The following ASCC3 variants were observed in gnomAD, a reference collection of about 807,000 sequenced individuals.
ASCC3 encodes ASC-1 complex subunit P200.
A neutral mutation model predicts 256.3 loss-of-function variants in ASCC3; 158 were observed. The ratio of observed to expected loss-of-function variants is 0.62; its 90% confidence interval spans 0.54 to 0.70. ASCC3 has a LOEUF of 0.70. Among genes scored for constraint, ASCC3 ranks in the 30% least tolerant of loss-of-function variants. The probability of loss-of-function intolerance (pLI) is 0.00; values close to 1 mark genes in which losing one functional copy is unlikely to be tolerated. For missense variants in ASCC3, 2,259 were observed against 2,626.0 expected, an observed-to-expected ratio of 0.86 and a Z score of 3.05; for synonymous variants, 948 against 883.4, an observed-to-expected ratio of 1.07 and a Z score of -1.30.
At chr6:100,525,422 T>C (rs896158918) in intron 37 of ASCC3, among the ~76,000 whole-genome samples, 4 of 151,818 alleles carry the variant, frequency 2.6e-5, no homozygotes, top group Middle Eastern at 3.2e-3. Context: ...ACAGGAAAGT[T>C]TGAGAAACTT....
At chr6:100,865,097 A>G (rs1773415457) in intron 2 of ASCC3, among the ~76,000 whole-genome samples, 2 of 152,312 alleles carry the variant, frequency 1.3e-5, no homozygotes, top group Non-Finnish European at 2.9e-5. Context: ...GTGACTAGTC[A>G]ATCTGAGTTT....
chr6:100,585,722 TG>T (rs1484893895), intron 36 of ASCC3, among the ~76,000 whole-genome samples: 2 of 152,194 alleles, frequency 1.3e-5, no homozygotes, highest in African/African-American at 4.8e-5. Context: ...TATCTACTTT[TG>T]GTCTTTGATG....
chr6:100,851,403 T>C (rs1266456299), intron 3 of ASCC3, among the ~76,000 whole-genome samples: 1 of 152,202 alleles, frequency 6.6e-6, no homozygotes, highest in Non-Finnish European at 1.5e-5. Context: ...AATTCTGATA[T>C]AGCCATATAC....
chr6:100,607,183 G>T, intron 30 of ASCC3, 95 bp from the exon 31 acceptor site: 1 of 1,307,066 alleles, frequency 7.7e-7, no homozygotes, highest in Non-Finnish European at 1.1e-6. Context: ...TTGTCTTTAT[G>T]TTATTATATG....
At chr6:100,592,140 C>CAA (rs1201793563) in intron 34 of ASCC3, among the ~76,000 whole-genome samples, 71 of 115,934 alleles carry the variant, frequency 6.1e-4, no homozygotes, top group African/African-American at 2.0e-3. Context: ...AGTAAGTCAC[C>CAA]AAAAAAAAAA....
chr6:100,830,666 CAT>C (rs1482693559), intron 4 of ASCC3, among the ~76,000 whole-genome samples: 5 of 152,128 alleles, frequency 3.3e-5, no homozygotes, highest in Admixed American at 2.6e-4. Context: ...AAAACGAAAA[CAT>C]AGCATTTATC....
chr6:100,612,182 T>C (rs1277971133), intron 30 of ASCC3, among the ~76,000 whole-genome samples: 3 of 152,016 alleles, frequency 2.0e-5, no homozygotes, highest in Non-Finnish European at 2.9e-5. Context: ...AAAAAGCTTT[T>C]GTAGAAATAT....
chr6:100,726,110 A>G (rs1347961970), intron 10 of ASCC3, among the ~76,000 whole-genome samples: 1 of 151,944 alleles, frequency 6.6e-6, no homozygotes, highest in Non-Finnish European at 1.5e-5. Flanking sequence ...AGAAAAATCA[A>G]CAATTCACTC....
chr6:100,530,658 G>T (rs1774824262), intron 37 of ASCC3: 4 of 848,752 alleles, frequency 4.7e-6, no homozygotes, highest in Non-Finnish European at 4.2e-6. Context: ...TGGCATGACA[G>T]AATTAGGATG....
chr6:100,760,485 A>G (rs374272447), intron 10 of ASCC3, among the ~76,000 whole-genome samples: 1 of 152,176 alleles, frequency 6.6e-6, no homozygotes, highest in African/African-American at 2.4e-5. Flanking sequence ...AGCCAACTTG[A>G]TCGTTGTGGA....
At chr6:100,836,854 C>T (rs910319426) in intron 4 of ASCC3, among the ~76,000 whole-genome samples, 1 of 152,062 alleles carries the variant, frequency 6.6e-6, no homozygotes, top group African/African-American at 2.4e-5. Context: ...GAAGTAAAGG[C>T]TATCAGATCC....
intron 30 of ASCC3, among the ~76,000 whole-genome samples, chr6:100,622,308 T>G (rs563845059): frequency 6.6e-6 from 1 of 152,210 alleles, no homozygotes; most frequent in Non-Finnish European, 1.5e-5. Flanking sequence ...GGGGGCCGTT[T>G]CCCCGATGCT....
chr6:100,544,986 G>T (rs1358505732), intron 36 of ASCC3, among the ~76,000 whole-genome samples: 1 of 152,036 alleles, frequency 6.6e-6, no homozygotes, highest in South Asian at 2.1e-4. Flanking sequence ...GGGGATGCAG[G>T]ATTGGTTAAA....
intron 5 of ASCC3, among the ~76,000 whole-genome samples, chr6:100,803,041 T>A (rs1769999047): frequency 6.6e-6 from 1 of 152,012 alleles, no homozygotes; most frequent in Admixed American, 6.6e-5. Context: ...AATATCTCTT[T>A]ATTAATATTT....
At chr6:100,830,853 G>A (rs947539250) in intron 4 of ASCC3, among the ~76,000 whole-genome samples, 1 of 152,110 alleles carries the variant, frequency 6.6e-6, no homozygotes, top group African/African-American at 2.4e-5. Context: ...CGGGGTTAAA[G>A]TTATCAAAGT....
intron 14 of ASCC3, among the ~76,000 whole-genome samples, chr6:100,668,032 C>A (rs1315906127): frequency 2.0e-5 from 3 of 151,948 alleles, no homozygotes; most frequent in Admixed American, 1.3e-4. Context: ...AAGGAGCTGG[C>A]AAAATATGTG....
intron 4 of ASCC3, among the ~76,000 whole-genome samples, chr6:100,826,299 T>C (rs1255018873): frequency 6.6e-6 from 1 of 151,894 alleles, no homozygotes; most frequent in African/African-American, 2.4e-5. Flanking sequence ...GCCCGGCTAA[T>C]TTTTTGTATT....
chr6:100,848,984 T>C (rs1446182439), intron 3 of ASCC3, among the ~76,000 whole-genome samples: 1 of 152,080 alleles, frequency 6.6e-6, no homozygotes, highest in African/African-American at 2.4e-5. Context: ...TGTGCACCTG[T>C]AGTCCCAGCT....
At chr6:100,794,020 T>G (rs1326170775) in intron 8 of ASCC3, among the ~76,000 whole-genome samples, 1 of 152,026 alleles carries the variant, frequency 6.6e-6, no homozygotes, top group East Asian at 1.9e-4. Context: ...TAATCAGTCA[T>G]CAGGTCTTAC....
Sources: gnomAD v4.1 joint callset for allele counts (sites outside exome capture counted in the v4.1 genomes callset) on GRCh38, gnomAD v4.1.1 for gene constraint, MANE v1.5 for transcripts, NCBI Gene and HGNC (gene_info 2026-07-23, HGNC 2026-07-21) for gene names.